Variants in GPC6 observed in about 807,000 individuals in gnomAD.
GPC6 encodes the protein glypican-6.
Under a neutral mutation model 55.2 loss-of-function variants are expected in GPC6, and 14 were observed. The observed-to-expected ratio is 0.25, with a 90% CI of 0.17 to 0.40. The LOEUF (loss-of-function observed/expected upper bound fraction) is 0.40, where lower values mean the gene tolerates loss of function less well. GPC6 is among the 10% of genes least tolerant of loss of function. The pLI is 1.00. For synonymous variants in GPC6, 278 were observed against 259.6 expected, an observed-to-expected ratio of 1.07 and a Z score of -0.68; for missense variants, 641 against 708.5, an observed-to-expected ratio of 0.90 and a Z score of 1.08.
intron 2 of GPC6, among the ~76,000 whole-genome samples, chr13:93,746,940 T>C (rs905936130): frequency 6.6e-6 from 1 of 152,200 alleles, no homozygotes; most frequent in African/African-American, 2.4e-5. Context: ...ATGAACAGGA[T>C]TTGCAAGAAA....
intron 4 of GPC6, among the ~76,000 whole-genome samples, chr13:94,223,706 G>A (rs544606949): frequency 6.6e-6 from 1 of 152,238 alleles, no homozygotes; most frequent in Admixed American, 6.5e-5. Flanking sequence ...TTACACATGA[G>A]CAAACTTAGG....
chr13:93,295,109 CAAAAAAAAAA>C (rs71202577), intron 1 of GPC6, among the ~76,000 whole-genome samples: 2 of 61,828 alleles, frequency 3.2e-5, no homozygotes, highest in East Asian at 4.6e-4. Flanking sequence ...TCTGTCTCTG[CAAAAAAAAAA>C]AAAAAAAAAA....
At chr13:94,388,275 C>A (rs375545186) in intron 7 of GPC6, among the ~76,000 whole-genome samples, 1 of 152,138 alleles carries the variant, frequency 6.6e-6, no homozygotes, top group African/African-American at 2.4e-5. Flanking sequence ...TTCACTGATA[C>A]CCTTGATGTT....
chr13:93,427,041 G>A, intron 1 of GPC6, among the ~76,000 whole-genome samples: 1 of 149,750 alleles, frequency 6.7e-6, no homozygotes, highest in East Asian at 1.9e-4. Context: ...GTCTTCTTTT[G>A]AGAAGTGTCT....
At chr13:93,431,252 A>G (rs953883059) in intron 1 of GPC6, among the ~76,000 whole-genome samples, 3 of 152,044 alleles carry the variant, frequency 2.0e-5, no homozygotes, top group African/African-American at 2.4e-5. Flanking sequence ...ATCAAGTCCT[A>G]TGCAATTTAT....
chr13:94,040,376 C>G (rs1446324660), intron 4 of GPC6, among the ~76,000 whole-genome samples: 1 of 151,806 alleles, frequency 6.6e-6, no homozygotes, highest in Non-Finnish European at 1.5e-5. Context: ...AGGAACAACA[C>G]AAATATACAT....
chr13:93,866,575 G>A (rs973308555), intron 3 of GPC6, among the ~76,000 whole-genome samples: 2 of 151,714 alleles, frequency 1.3e-5, no homozygotes, highest in Non-Finnish European at 2.9e-5. Context: ...GCAGGGACAT[G>A]GATGGAGCTG....
chr13:94,212,841 T>A (rs1476548290), intron 4 of GPC6, among the ~76,000 whole-genome samples: 2 of 152,206 alleles, frequency 1.3e-5, no homozygotes, highest in Non-Finnish European at 2.9e-5. Context: ...AAGGCACAGA[T>A]ACGTTAACTA....
At position 93,544,299 on chromosome 13, in the gene GPC6, C is replaced by CA. The variant is rs150805423; in HGVS notation, c.161-963dup. 7.8e-3 allele frequency among the ~76,000 whole-genome samples: 1,182 copies of CA among 151,972 alleles called. 3 individuals are homozygous for CA. Among genetic ancestry groups the CA allele is most frequent in the Middle Eastern group, 0.045 (13 of 292 alleles). ...CTATACTTCACACAAGGTCATAGGA[C>CA]ATACCTTTATAAGTACTATTAAACA... is the stretch of plus-strand genomic sequence containing the variant. On this transcript the variant is annotated intron_variant, in intron 1 of 8. Coordinates refer to ENST00000377047, the MANE Select transcript of GPC6 (RefSeq NM_005708.5).
chr13:93,453,491 C>T (rs369247510), intron 1 of GPC6, among the ~76,000 whole-genome samples: 10 of 140,370 alleles, frequency 7.1e-5, no homozygotes, highest in African/African-American at 2.3e-4. Flanking sequence ...GTATTGTGTC[C>T]GGAATTGGTG....
At chr13:93,759,554 A>G (rs1253124701) in intron 2 of GPC6, among the ~76,000 whole-genome samples, 3 of 152,132 alleles carry the variant, frequency 2.0e-5, no homozygotes, top group East Asian at 1.9e-4. Flanking sequence ...TTGTTTTCCT[A>G]TTGCCATAAC....
At chr13:93,810,866 T>C (rs1886675727) in intron 2 of GPC6, among the ~76,000 whole-genome samples, 1 of 152,224 alleles carries the variant, frequency 6.6e-6, no homozygotes, top group African/African-American at 2.4e-5. Context: ...TCTTTCTTAC[T>C]TACATAGTTT....
At chr13:94,401,957 G>GAT (rs1158701587) in intron 8 of GPC6, among the ~76,000 whole-genome samples, 1 of 151,986 alleles carries the variant, frequency 6.6e-6, no homozygotes, top group African/African-American at 2.4e-5. Context: ...TAGATAGATA[G>GAT]ATAGATAGAT....
intron 3 of GPC6, among the ~76,000 whole-genome samples, chr13:93,889,520 C>T (rs1308483050): frequency 2.6e-5 from 4 of 152,016 alleles, no homozygotes; most frequent in African/African-American, 7.2e-5. Context: ...AAGAAAAAAC[C>T]CTTTTTAATA....
At chr13:94,066,930 A>G (rs1594708785) in intron 4 of GPC6, among the ~76,000 whole-genome samples, 1 of 152,194 alleles carries the variant, frequency 6.6e-6, no homozygotes, top group African/African-American at 2.4e-5. Context: ...CCTTGCATGG[A>G]ATACAACTGG....
Position 93,538,609 on chromosome 13 carries a change from A to G in GPC6, c.161-6654A>G, listed in dbSNP as rs189272039. Among the ~76,000 whole-genome samples the G allele has an allele frequency of 1.2e-4, 19 of 152,322 alleles. No homozygotes were observed. The South Asian group carries it at 2.3e-3, about 18-fold the overall frequency. ...AACTGAAAATAGTATTCAAATAGTCACGCAAAGAAGTGGGAGGGCTTCCGC... is the reference window on the plus strand; with the variant it reads ...AACTGAAAATAGTATTCAAATAGTCGCGCAAAGAAGTGGGAGGGCTTCCGC... On this transcript the variant is annotated intron_variant, in intron 1 of 8. Coordinates refer to ENST00000377047, the MANE Select transcript of GPC6 (RefSeq NM_005708.5).
chr13:93,671,487 A>G (rs1308664976), intron 2 of GPC6, among the ~76,000 whole-genome samples: 2 of 152,066 alleles, frequency 1.3e-5, no homozygotes, highest in African/African-American at 4.8e-5. Context: ...GTTCTGTTGT[A>G]TCTTCCCTCT....
At position 93,340,947 on chromosome 13, in the gene GPC6, T is replaced by C. The variant is rs558741700; in HGVS notation, c.160+113331T>C. 2.0e-5 allele frequency among the ~76,000 whole-genome samples: 3 copies of C among 152,158 alleles called. No homozygotes were observed. The East Asian group carries it at 5.8e-4, about 29-fold the overall frequency. On this transcript the variant is annotated intron_variant, in intron 1 of 8. Coordinates refer to ENST00000377047, the MANE Select transcript of GPC6 (RefSeq NM_005708.5). Reference sequence around the variant, plus strand: ...TTATCTCTCAACCCCCTTCCAAATTTCCCCCTGGAGTCCTTTGCAACCTCA... The same window carrying C: ...TTATCTCTCAACCCCCTTCCAAATTCCCCCCTGGAGTCCTTTGCAACCTCA...
At chr13:94,305,190 A>G (rs970768560) in intron 5 of GPC6, among the ~76,000 whole-genome samples, 3 of 152,198 alleles carry the variant, frequency 2.0e-5, no homozygotes, top group Non-Finnish European at 2.9e-5. Flanking sequence ...CACTGCAAAC[A>G]TTGACTTAGC....
Sources: allele counts gnomAD v4.1 joint callset (sites outside exome capture counted in the v4.1 genomes callset), GRCh38; gene constraint gnomAD v4.1.1; transcripts MANE v1.5; gene names NCBI Gene and HGNC (gene_info 2026-07-23, HGNC 2026-07-21).